Variants in AFM observed in about 807,000 individuals in gnomAD.
The protein encoded by AFM is alpha-Alb.
In AFM, 82 loss-of-function variants were observed where a neutral mutation model predicts 68.7. The ratio of observed to expected loss-of-function variants is 1.19; its 90% CI spans 1.00 to 1.43. The LOEUF (loss-of-function observed/expected upper bound fraction) is 1.43, where lower values mean the gene tolerates loss of function less well. AFM is among the 40% of genes most tolerant of loss of function. The pLI, the probability that AFM is intolerant of heterozygous loss-of-function variation, is 0.00. For synonymous variants in AFM, 250 were observed against 234.2 expected, an observed-to-expected ratio of 1.07 and a Z score of -0.61; for missense variants, 772 against 701.8, an observed-to-expected ratio of 1.10 and a Z score of -1.13.
Position 73,499,976 on chromosome 4 carries a change from A to G in AFM, c.1423-28A>G, listed in dbSNP as rs755077545. The G allele has an allele frequency of 6.4e-6, 10 of 1,571,816 alleles. No individual in the cohort carries two copies. The Admixed American group carries it at 6.7e-5, about 11-fold the overall frequency. On this transcript the variant is annotated intron_variant, in intron 11 of 14. Coordinates refer to ENST00000226355, the MANE Select transcript of AFM (RefSeq NM_001133.2). The stretch of plus-strand genomic sequence containing the variant: ...AATTCCATTCAAGTTTTAAGATCGT[A>G]TCTCAGTTGCAACTCTTGTTGGTAC...
Position 73,491,996 on chromosome 4 carries a change from CA to C in AFM, c.971del (p.Lys324ArgfsTer5), listed in dbSNP as rs1162400831. ...CIINSNKDDR[P>X]KDLSLREGKF... is the part of the protein sequence containing the mutation. ...ATTAACTCAAACAAAGATGATAGAC[CA>C]AAGGATTTATCTCTAAGAGAAGGAA... is the stretch of plus-strand genomic sequence containing the variant. On this transcript the variant is annotated frameshift_variant, in exon 8 of 15. Coordinates refer to ENST00000226355, the MANE Select transcript of AFM (RefSeq NM_001133.2). LOFTEE classifies it high-confidence loss of function. The C allele has an allele frequency of 6.2e-7, 1 of 1,613,672 alleles. No individual in the cohort carries two copies. Among genetic ancestry groups the C allele is most frequent in the Admixed American group, 1.7e-5 (1 of 59,952 alleles).
At chr4:73,483,266 T>G (rs889423828) in intron 1 of AFM, among the ~76,000 whole-genome samples, 2 of 152,132 alleles carry the variant, frequency 1.3e-5, no homozygotes, top group East Asian at 3.9e-4. Context: ...TTAATCCCAT[T>G]CTAAATTAGA....
intron 3 of AFM, among the ~76,000 whole-genome samples, chr4:73,485,645 G>A: frequency 7.2e-6 from 1 of 138,198 alleles, no homozygotes; most frequent in African/African-American, 2.7e-5. Context: ...AGAGGAAGAA[G>A]AAGAAGAAGG....
rs1044861632 is a variant in AFM, at chr4:73,487,020, T to C, written c.536T>C (p.Leu179Pro). ...CCATTTGTCTTCGCCCCTACACTTC[T>C]AACTGTTGCTGTTCATTTTGAGGAG... ...RNPFVFAPTL[L>P]TVAVHFEEVA... Residue 179 changes from leucine (L) to proline (P), a missense_variant, in exon 5 of 15, where the codon CTA becomes CCA. By Grantham distance (98) the Leu-to-Pro change is moderately conservative. Transcript: ENST00000226355. The C allele has an allele frequency of 1.9e-6, 3 of 1,614,044 alleles. No homozygotes were observed. Among genetic ancestry groups the C allele is most frequent in the Non-Finnish European group, 2.5e-6 (3 of 1,179,940 alleles).
At chr4:73,488,146 C>CT (rs778957244) in intron 6 of AFM, among the ~76,000 whole-genome samples, 93 of 152,234 alleles carry the variant, frequency 6.1e-4, no homozygotes, top group Non-Finnish European at 1.1e-3. Context: ...TGGTCTTTGA[C>CT]TTTAACAATG....
chr4:73,484,199 T>C, intron 2 of AFM, 59 bp from the exon 3 acceptor site: 3 of 1,535,994 alleles, frequency 2.0e-6, no homozygotes, highest in African/African-American at 1.4e-5. Context: ...TGACTTTTTC[T>C]TGACCATAAA....
chr4:73,493,340 T>C (rs781272279), intron 8 of AFM, among the ~76,000 whole-genome samples: 2 of 152,160 alleles, frequency 1.3e-5, no homozygotes, highest in Non-Finnish European at 2.9e-5. Flanking sequence ...GATAACTGGG[T>C]GGGTAGTTTT....
intron 2 of AFM, 40 bp downstream of exon 2, chr4:73,484,029 A>G (rs894587014): frequency 1.3e-6 from 2 of 1,481,780 alleles, no homozygotes; most frequent in Non-Finnish European, 1.8e-6. Context: ...GATTTTTAAA[A>G]TGATATATTC....
chr4:73,492,291 T>C (rs6841972), intron 8 of AFM, among the ~76,000 whole-genome samples: 40 of 152,330 alleles, frequency 2.6e-4, no homozygotes, highest in African/African-American at 9.4e-4. Context: ...ATCGCTAGCA[T>C]TTATTGAGCA....
At chr4:73,499,837 C>G (rs763933255) in intron 11 of AFM, among the ~76,000 whole-genome samples, 167 bp from the exon 12 acceptor site, 10 of 151,920 alleles carry the variant, frequency 6.6e-5, no homozygotes, top group Non-Finnish European at 1.2e-4. Context: ...ATTTAGGACC[C>G]CAGCTTCTAG....
chr4:73,491,892 T>A lies in AFM; in HGVS notation c.864T>A (p.Ile288=). 6.2e-7 allele frequency: 1 copy of A among 1,613,656 alleles called. No homozygotes were observed. Among genetic ancestry groups the A allele is most frequent in the East Asian group, 2.2e-5 (1 of 44,858 alleles). The part of the protein sequence containing the change: ...IRDTSKVMNH[I]CSKQDSISSK... ...TACAGAGCAAGGTTATGAACCATAT[T>A]TGTTCAAAACAAGATTCTATCTCCA... Residue 288 remains isoleucine (I), a synonymous_variant, in exon 8 of 15, where the codon ATT becomes ATA. Transcript: ENST00000226355.
intron 7 of AFM, among the ~76,000 whole-genome samples, chr4:73,489,166 C>T (rs148771210): frequency 4.6e-5 from 7 of 152,200 alleles, no homozygotes; most frequent in East Asian, 1.9e-4. Flanking sequence ...AGCTTCCTTA[C>T]GCTATTCAGG....
At chr4:73,486,424 A>C (rs1490874183) in intron 4 of AFM, among the ~76,000 whole-genome samples, 1 of 152,248 alleles carries the variant, frequency 6.6e-6, no homozygotes, top group Non-Finnish European at 1.5e-5. Context: ...ACATTCAATT[A>C]CAGGATGTTT....
chr4:73,493,232 G>T (rs1721132849), intron 8 of AFM, among the ~76,000 whole-genome samples: 1 of 152,142 alleles, frequency 6.6e-6, no homozygotes, highest in African/African-American at 2.4e-5. Context: ...CTAAGTAATG[G>T]GATGCCACTG....
At chr4:73,484,036 A>G in intron 2 of AFM, 47 bp downstream of exon 2, 1 of 1,467,976 alleles carries the variant, frequency 6.8e-7, no homozygotes, top group Non-Finnish European at 9.3e-7. Context: ...AAAATGATAT[A>G]TTCTAGAAAT....
intron 12 of AFM, 43 bp downstream of exon 12, chr4:73,500,270 GAC>G: frequency 6.7e-7 from 1 of 1,500,054 alleles, no homozygotes; most frequent in South Asian, 1.2e-5. Flanking sequence ...TTGGTTTGAA[GAC>G]ACACCATGTA....
At chr4:73,491,591 G>A (rs575813595) in intron 7 of AFM, among the ~76,000 whole-genome samples, 28 of 152,256 alleles carry the variant, frequency 1.8e-4, no homozygotes, top group African/African-American at 6.0e-4. Flanking sequence ...TATCAGTGTA[G>A]GAGGGTTATT....
intron 1 of AFM, among the ~76,000 whole-genome samples, chr4:73,483,645 G>A (rs888476696): frequency 2.0e-5 from 3 of 152,186 alleles, no homozygotes; most frequent in African/African-American, 7.2e-5. Flanking sequence ...GCATGGTAAT[G>A]TATTTGACAT....
At chr4:73,497,437 T>A (rs981159016) in intron 9 of AFM, among the ~76,000 whole-genome samples, 1 of 152,194 alleles carries the variant, frequency 6.6e-6, no homozygotes, top group Non-Finnish European at 1.5e-5. Flanking sequence ...AATAAAAAAA[T>A]TTGGACTTTT....
Sources: gnomAD v4.1 joint callset for allele counts (sites outside exome capture counted in the v4.1 genomes callset) on GRCh38, gnomAD v4.1.1 for gene constraint, MANE v1.5 for transcripts, NCBI Gene and HGNC (gene_info 2026-07-23, HGNC 2026-07-21) for gene names.